The following C6 variants were observed in gnomAD, a reference collection of about 807,000 sequenced individuals.
C6 encodes complement C6, also known as complement component C6.
Under a neutral mutation model 112.9 loss-of-function variants are expected in C6, and 101 were observed. The observed-to-expected ratio is 0.89, with a 90% CI of 0.76 to 1.06. The LOEUF is 1.06. Among genes scored for constraint, C6 ranks in the 50% least tolerant of loss-of-function variants. The pLI is 0.00. For missense variants in C6, 1,202 were observed against 1,104.6 expected, an observed-to-expected ratio of 1.09 and a Z score of -1.25; for synonymous variants, 431 against 384.1, an observed-to-expected ratio of 1.12 and a Z score of -1.43.
intron 1 of C6, among the ~76,000 whole-genome samples, chr5:41,210,485 A>G (rs1751822223): frequency 6.6e-6 from 1 of 152,238 alleles, no homozygotes; most frequent in Non-Finnish European, 1.5e-5. Context: ...AAGGGCTAAT[A>G]TCCAGAATCT....
chr5:41,184,056 T>C (rs2150329261), intron 6 of C6, among the ~76,000 whole-genome samples: 1 of 152,110 alleles, frequency 6.6e-6, no homozygotes, highest in African/African-American at 2.4e-5. Flanking sequence ...GGATCATTTG[T>C]ACCCCCAACC....
chr5:41,178,887 T>C (rs1676542534), intron 7 of C6, among the ~76,000 whole-genome samples: 1 of 152,042 alleles, frequency 6.6e-6, no homozygotes, highest in African/African-American at 2.4e-5. Flanking sequence ...TTGTTGTTGC[T>C]CTGTCACCCA....
rs1302579121 is a variant in C6 at position 41,172,418 on chromosome 5, C to T, written c.1169-71G>A. ...ACAATTCAAAGAGGAACATGGTGCT[C>T]TGGTCACTTCGGATCTACAGATACT... On this transcript the variant is annotated intron_variant, in intron 8 of 17. Transcript: ENST00000337836. 1.3e-5 allele frequency: 19 copies of T among 1,466,376 alleles called. No individual in the cohort carries two copies. The South Asian group carries it at 1.5e-4, about 12-fold the overall frequency. 90.8% of individuals were successfully genotyped at this position (1,466,376 alleles called of 1,614,324 possible).
chr5:41,207,507 G>A (rs1386630624), intron 1 of C6, among the ~76,000 whole-genome samples: 4 of 152,142 alleles, frequency 2.6e-5, no homozygotes, highest in Non-Finnish European at 5.9e-5. Flanking sequence ...GACACACATA[G>A]GCTCAAAATA....
chr5:41,206,014 C>G (rs961870165), intron 1 of C6, among the ~76,000 whole-genome samples: 1 of 152,144 alleles, frequency 6.6e-6, no homozygotes, highest in East Asian at 1.9e-4. Flanking sequence ...CCCTCTGAGA[C>G]GAAGCTTCCA....
intron 1 of C6, among the ~76,000 whole-genome samples, chr5:41,218,613 A>T (rs537810122): frequency 6.6e-6 from 1 of 152,136 alleles, no homozygotes; most frequent in Admixed American, 6.6e-5. Flanking sequence ...ACAAAATTTA[A>T]TCCTGTAGGA....
chr5:41,174,385 T>C (rs1292434278), intron 8 of C6, among the ~76,000 whole-genome samples: 1 of 152,204 alleles, frequency 6.6e-6, no homozygotes, highest in South Asian at 2.1e-4. Flanking sequence ...GCTACCCTGA[T>C]GCGTAAAAGA....
chr5:41,153,739 T>C, intron 15 of C6, 71 bp downstream of exon 15: 1 of 1,130,408 alleles, frequency 8.8e-7, no homozygotes, highest in Non-Finnish European at 1.3e-6. Context: ...ATATAATGGC[T>C]ATAGAGGCTA....
At chr5:41,191,067 CTTT>C (rs142519688) in intron 5 of C6, among the ~76,000 whole-genome samples, 861 of 84,692 alleles carry the variant, frequency 0.01, 5 homozygotes, top group African/African-American at 0.018. Flanking sequence ...ATGCCTTTGG[CTTT>C]TTTTTTTTTT....
intron 1 of C6, among the ~76,000 whole-genome samples, chr5:41,252,382 C>G (rs1741417759): frequency 6.6e-6 from 1 of 151,986 alleles, no homozygotes; most frequent in East Asian, 1.9e-4. Flanking sequence ...TCAGTTATGC[C>G]TCATTATACC....
chr5:41,180,307 C>T (rs13182727), intron 7 of C6, among the ~76,000 whole-genome samples: 49,334 of 152,010 alleles, frequency 0.32, 8,621 homozygotes, highest in Non-Finnish European at 0.41. Context: ...GGCTCATTCT[C>T]CTCATTCATC....
chr5:41,160,222 G>T lies in C6; in HGVS notation c.1604C>A (p.Ser535Ter). The change falls in exon 11 of 18, where the codon TCA (serine) becomes TAA (stop). Residue 535 changes from serine (S) to a stop codon, truncating the protein, a stop_gained. Transcript: ENST00000337836. LOFTEE classifies it high-confidence loss of function. ...ACACACACACAGACATTCAGTCCCT[G>T]AGAGGGTGGGTCGGCCATTATTAGG... The part of the protein sequence containing the change: ...PCPNNGRPTL[S>*]GTECLCVCQS... 1.2e-6 allele frequency: 2 copies of T among 1,613,912 alleles called. No individual in the cohort carries two copies. The highest frequency in any genetic ancestry group is 1.7e-6 in the Non-Finnish European group (2 of 1,179,856).
intron 8 of C6, among the ~76,000 whole-genome samples, chr5:41,174,349 G>A (rs1177447952): frequency 6.6e-6 from 1 of 152,122 alleles, no homozygotes; most frequent in East Asian, 1.9e-4. Flanking sequence ...TGGAGCACAG[G>A]AATGAGTATT....
In C6 at chr5:41,192,258, T is replaced by C. The variant is rs76620707; in HGVS notation, c.587+3534A>G. 2.2e-3 allele frequency among the ~76,000 whole-genome samples: 330 copies of C among 152,322 alleles called. 5 individuals are homozygous for C. In the East Asian group the frequency reaches 0.047, roughly 22 times the overall value. On this transcript the variant is annotated intron_variant, in intron 5 of 17. Coordinates refer to ENST00000337836, the MANE Select transcript of C6 (RefSeq NM_000065.5). ...TTAAATACTACTTAATTATAGTAGATATCTGGGATGTACTCTGGGGTTCTG... is the reference window on the plus strand; with the variant it reads ...TTAAATACTACTTAATTATAGTAGACATCTGGGATGTACTCTGGGGTTCTG...
At position 41,221,190 on chromosome 5, in the gene C6, G is replaced by A. The variant is rs1397696651; in HGVS notation, c.-20-17940C>T. Among the ~76,000 whole-genome samples the A allele has an allele frequency of 2.6e-5, 4 of 152,042 alleles. No individual in the cohort carries two copies. The East Asian group carries it at 7.7e-4, about 29-fold the overall frequency. On this transcript the variant is annotated intron_variant, in intron 1 of 17. Transcript: ENST00000263413. ...TTGGTTTTCATCTCCATATTTCATAGTACTTGCTACCATGTAATTACATTT... is the reference window on the plus strand; with the variant it reads ...TTGGTTTTCATCTCCATATTTCATAATACTTGCTACCATGTAATTACATTT...
intron 9 of C6, among the ~76,000 whole-genome samples, chr5:41,170,830 A>G (rs1748369387): frequency 1.3e-5 from 2 of 152,196 alleles, no homozygotes; most frequent in African/African-American, 2.4e-5. Context: ...AAAATAAGGA[A>G]ACAGAATTTT....
At chr5:41,255,358 T>A (rs1250432799) in intron 1 of C6, among the ~76,000 whole-genome samples, 1 of 144,236 alleles carries the variant, frequency 6.9e-6, no homozygotes, top group Non-Finnish European at 1.5e-5. Context: ...GAGATTCCGT[T>A]AAAAAAAAAA....
chr5:41,248,435 T>C (rs1314816078), intron 1 of C6, among the ~76,000 whole-genome samples: 1 of 152,074 alleles, frequency 6.6e-6, no homozygotes, highest in East Asian at 1.9e-4. Flanking sequence ...CTGACAAAGG[T>C]GTAATATCCA....
chr5:41,201,901 G>A (rs1751063816), intron 2 of C6, among the ~76,000 whole-genome samples, 187 bp from the exon 3 acceptor site: 1 of 152,038 alleles, frequency 6.6e-6, no homozygotes, highest in Admixed American at 6.6e-5. Flanking sequence ...TACTTTGTGA[G>A]GCTCAGCATA....
Sources: allele counts gnomAD v4.1 joint callset (sites outside exome capture counted in the v4.1 genomes callset), GRCh38; gene constraint gnomAD v4.1.1; transcripts MANE v1.5; gene names NCBI Gene and HGNC (gene_info 2026-07-23, HGNC 2026-07-21).